KLK4: variants seen among roughly 807,000 people sequenced by gnomAD.
The protein encoded by KLK4 is kallikrein related peptidase 4.
KLK4 carries 24 observed loss-of-function variants against 24.3 expected under a neutral mutation model. That is an observed-to-expected ratio of 0.99 (90% CI 0.72 to 1.39). KLK4 has a LOEUF of 1.39. KLK4 is among the 40% of genes most tolerant of loss of function. The probability of loss-of-function intolerance (pLI) is 0.00; values close to 1 mark genes in which losing one functional copy is unlikely to be tolerated. For synonymous variants in KLK4, 142 were observed against 138.8 expected (o/e 1.02, Z -0.16); for missense variants, 344 against 327.4 (o/e 1.05, Z -0.39).
At position 50,906,954 on chromosome 19, in the gene KLK4, T is replaced by A; in HGVS notation, c.745A>T (p.Lys249Ter). 1 of 1,614,138 alleles carries A rather than the reference T, an allele frequency of 6.2e-7. No individual in the cohort carries two copies. The highest frequency in any genetic ancestry group is 8.5e-7 in the Non-Finnish European group (1 of 1,180,020). ...CAGAGTTAACTGGCCTGGACGGTTT[T>A]CTCTATCCACTCAGTGAATTTGCAG... Residue 249 changes from lysine to a stop codon, truncating the protein, a stop_gained, in exon 6 of 6, where the codon AAA becomes TAA. Transcript: ENST00000324041. LOFTEE classifies it high-confidence loss of function.
intron 5 of KLK4, chr19:50,907,931 A>G (rs1437359587): frequency 7.1e-6 from 2 of 283,158 alleles, no homozygotes; most frequent in African/African-American, 4.4e-5. Flanking sequence ...AGAAATATCA[A>G]AAAATTCCAA....
At chr19:50,909,515 G>C in intron 2 of KLK4, 101 bp from the exon 3 acceptor site, 3 of 1,265,716 alleles carry the variant, frequency 2.4e-6, no homozygotes, top group Non-Finnish European at 3.4e-6. Context: ...TTCAGGAGCA[G>C]TCAGGGCTCC....
intron 2 of KLK4, 76 bp from the exon 3 acceptor site, chr19:50,909,490 G>C (rs2090466932): frequency 6.6e-7 from 1 of 1,511,786 alleles, no homozygotes; most frequent in South Asian, 1.1e-5. Context: ...TACCGAGCAG[G>C]GGCGTGGTCA....
exon 3 of KLK4, chr19:50,909,413 T>G: frequency 6.2e-7 from 1 of 1,613,954 alleles, no homozygotes. Flanking sequence ...AGACGAGCGA[T>G]CCTGAGGGCG....
In KLK4 at chr19:50,909,961, C is replaced by T. The variant is rs749706072; in HGVS notation, c.62-547G>A. Among the ~76,000 whole-genome samples the T allele has an allele frequency of 5.3e-4, 80 of 151,208 alleles. 2 individuals are homozygous for T. The highest frequency in any genetic ancestry group is 2.4e-4 in the Non-Finnish European group (16 of 67,728). On this transcript the variant is annotated intron_variant, in intron 2 of 5. Coordinates refer to ENST00000324041, the Ensembl canonical transcript of KLK4. ...GCAGTCTCAGAAGGTGGGACCAGGG[C>T]TTCTGGGGCGGAGTCAGGGCTCTGG...
rs1213388444 is a variant in KLK4 at position 50,910,090 on chromosome 19, G to A, written c.61+588C>T. On this transcript the variant is annotated intron_variant, in intron 2 of 5. Coordinates refer to ENST00000324041, the Ensembl canonical transcript of KLK4. The surrounding 1 kb of genome is among the most constrained non-coding windows in gnomAD (Gnocchi z 4.4). ...TCATAGCAGTAGGATCGGGTCCTTCGGGGTGAATTAAAGCTCAGGGGGTGG... is the reference window on the plus strand; with the variant it reads ...TCATAGCAGTAGGATCGGGTCCTTCAGGGTGAATTAAAGCTCAGGGGGTGG... Among the ~76,000 whole-genome samples the A allele has an allele frequency of 6.6e-6, 1 of 151,916 alleles. No individual in the cohort carries two copies. Among genetic ancestry groups the A allele is most frequent in the East Asian group, 1.9e-4 (1 of 5,186 alleles).
rs187898635 is a variant in KLK4 at position 50,910,310 on chromosome 19, A to G, written c.61+368T>C. Among the ~76,000 whole-genome samples, 16 of 152,172 alleles carry G rather than the reference A, an allele frequency of 1.1e-4. No individual in the cohort carries two copies. Among genetic ancestry groups the G allele is most frequent in the Admixed American group, 3.3e-4 (5 of 15,286 alleles). On this transcript the variant is annotated intron_variant, in intron 2 of 5. Transcript: ENST00000324041. This position sits in a 1 kb window ranked among gnomAD's most constrained non-coding sequence, Gnocchi z 4.4. ...CTTGGGGATGGGAGAGGGGGATCTC[A>G]GGACTGAAGACCCAGGAAGCAGGCA...
chr19:50,909,280 C>G, exon 3 of KLK4: 2 of 1,614,206 alleles, frequency 1.2e-6, no homozygotes, highest in East Asian at 2.2e-5. Flanking sequence ...GCTGACAGCA[C>G]CCACTGCGGA....
At chr19:50,908,993 A>C in intron 3 of KLK4, 164 bp from the exon 4 acceptor site, 13 of 1,498,704 alleles carry the variant, frequency 8.7e-6, no homozygotes, top group Non-Finnish European at 1.2e-5. Context: ...ATTCACAAAA[A>C]TTCAGGGACA....
At chr19:50,908,979 C>A (rs1257938391) in intron 3 of KLK4, 150 bp from the exon 4 acceptor site, 2 of 1,506,124 alleles carry the variant, frequency 1.3e-6, no homozygotes, top group African/African-American at 1.4e-5. Flanking sequence ...GGTCTCAAAT[C>A]CTCATTCACA....
At chr19:50,908,708 C>T in exon 4 of KLK4, 2 of 1,614,152 alleles carry the variant, frequency 1.2e-6, no homozygotes, top group South Asian at 2.2e-5. Context: ...AGCATGAGGT[C>T]GTTAGCGAGC....
At chr19:50,909,100 C>T (rs991385611) in intron 3 of KLK4, 152 bp downstream of exon 3, 7 of 1,376,394 alleles carry the variant, frequency 5.1e-6, no homozygotes, top group Non-Finnish European at 5.6e-6. Flanking sequence ...GCCTCCCAGC[C>T]CTTCCCTCTG....
At chr19:50,909,107 T>C in intron 3 of KLK4, 145 bp downstream of exon 3, 1 of 1,384,766 alleles carries the variant, frequency 7.2e-7, no homozygotes, top group Non-Finnish European at 9.3e-7. Flanking sequence ...AGCCCTTCCC[T>C]CTGGGGCTCC....
At position 50,910,880 on chromosome 19, in the gene KLK4, C is replaced by T; in HGVS notation, c.-11-131G>A. ...AGGCAAGAGCCTAGACCATCTACCC[C>T]CTCTCCCATCCATGGACCCAGAACC... On this transcript the variant is annotated intron_variant, in intron 1 of 5. Coordinates refer to ENST00000324041, the Ensembl canonical transcript of KLK4. The surrounding 1 kb of genome is among the most constrained non-coding windows in gnomAD (Gnocchi z 4.4). 1.3e-6 allele frequency: 1 copy of T among 749,022 alleles called. No individual in the cohort carries two copies. The highest frequency in any genetic ancestry group is 2.3e-6 in the Non-Finnish European group (1 of 425,800). 46.4% of individuals were successfully genotyped at this position (749,022 alleles called of 1,614,324 possible). A position where few individuals can be genotyped will look rare whatever the true frequency, so the allele number is the denominator to read the frequency against.
chr19:50,909,844 G>A (rs1018592455), intron 2 of KLK4, among the ~76,000 whole-genome samples: 1 of 151,950 alleles, frequency 6.6e-6, no homozygotes, highest in Non-Finnish European at 1.5e-5. Context: ...AGGGCATGGG[G>A]GTGGGCTGAG....
chr19:50,907,188 C>A, intron 5 of KLK4, 102 bp from the exon 6 acceptor site: 1 of 1,208,468 alleles, frequency 8.3e-7, no homozygotes, highest in Non-Finnish European at 1.2e-6. Context: ...AAAGACAGAA[C>A]CATCATCAAT....
chr19:50,908,953 A>G, intron 3 of KLK4, 124 bp from the exon 4 acceptor site: 1 of 1,529,678 alleles, frequency 6.5e-7, no homozygotes, highest in Non-Finnish European at 8.7e-7. Context: ...AAACACCCTA[A>G]GAGCTACTTA....
At chr19:50,908,909 C>T in intron 3 of KLK4, 80 bp from the exon 4 acceptor site, 2 of 1,582,492 alleles carry the variant, frequency 1.3e-6, no homozygotes, top group South Asian at 2.3e-5. Flanking sequence ...CATTCCCATC[C>T]CCATCTCCTA....
At chr19:50,909,221 C>A in intron 3 of KLK4, 31 bp downstream of exon 3, 1 of 1,613,962 alleles carries the variant, frequency 6.2e-7, no homozygotes. Flanking sequence ...CGGACCCAGG[C>A]CCTGCCCACT....
Sources: gnomAD v4.1 joint callset for allele counts (sites outside exome capture counted in the v4.1 genomes callset) on GRCh38, gnomAD v4.1.1 for gene constraint, Gnocchi (gnomAD v3.1) non-coding constraint, MANE v1.5 for transcripts, NCBI Gene and HGNC (gene_info 2026-07-23, HGNC 2026-07-21) for gene names.